The following PDZD2 variants were observed in gnomAD, a reference collection of about 807,000 sequenced individuals.
PDZD2 encodes the protein PDZ domain containing 2, also known as PDZ domain-containing protein 2.
In PDZD2, 90 loss-of-function variants were observed where a neutral mutation model predicts 220.7. The observed-to-expected ratio is 0.41, with a 90% CI of 0.34 to 0.49. PDZD2 has a LOEUF of 0.49. PDZD2 is among the 20% of genes least tolerant of loss of function. The pLI is 0.28. For synonymous variants in PDZD2, 1,375 were observed against 1,450.5 expected, an observed-to-expected ratio of 0.95 and a Z score of 1.18; for missense variants, 3,174 against 3,608.5, an observed-to-expected ratio of 0.88 and a Z score of 3.08.
chr5:31,903,436 C>T (rs1742291643), intron 2 of PDZD2, among the ~76,000 whole-genome samples: 1 of 151,516 alleles, frequency 6.6e-6, no homozygotes, highest in Admixed American at 6.6e-5. Flanking sequence ...TGCTTGAGCC[C>T]AGGAGTTTGA....
intron 1 of PDZD2, chr5:31,725,646 T>G: frequency 8.7e-7 from 1 of 1,145,208 alleles, no homozygotes. Context: ...TTGATTCCTT[T>G]TCATATCTTG....
intron 2 of PDZD2, among the ~76,000 whole-genome samples, chr5:31,906,733 G>A (rs557341332): frequency 4.6e-5 from 7 of 152,012 alleles, no homozygotes; most frequent in Non-Finnish European, 1.0e-4. Context: ...GTCCCAGCTG[G>A]TTGGGAGGAT....
chr5:32,038,538 A>G (rs1755746885), intron 7 of PDZD2, among the ~76,000 whole-genome samples: 1 of 152,176 alleles, frequency 6.6e-6, no homozygotes, highest in Non-Finnish European at 1.5e-5. Flanking sequence ...TCCTCTCAAA[A>G]TAACAAAAAA....
intron 2 of PDZD2, among the ~76,000 whole-genome samples, chr5:31,803,159 A>G (rs1428683488): frequency 6.8e-6 from 1 of 148,032 alleles, no homozygotes; most frequent in East Asian, 2.0e-4. Flanking sequence ...GTGCAGAGCC[A>G]CAGTCATAGC....
intron 2 of PDZD2, among the ~76,000 whole-genome samples, chr5:31,957,618 G>T (rs558483974): frequency 2.0e-5 from 3 of 152,144 alleles, no homozygotes; most frequent in South Asian, 4.2e-4. Flanking sequence ...AGACCAGGGG[G>T]TTGCCCATTA....
chr5:31,814,348 A>G (rs902096202), intron 2 of PDZD2, among the ~76,000 whole-genome samples: 1 of 152,240 alleles, frequency 6.6e-6, no homozygotes, highest in Non-Finnish European at 1.5e-5. Flanking sequence ...GGCCTGAGAC[A>G]TAATCTCAAA....
chr5:31,928,893 G>A (rs1745018039), intron 2 of PDZD2, among the ~76,000 whole-genome samples: 1 of 152,190 alleles, frequency 6.6e-6, no homozygotes, highest in Non-Finnish European at 1.5e-5. Context: ...GCTGGACTCT[G>A]AAAGGAGATA....
At chr5:31,735,054 G>A (rs1035406110) in intron 1 of PDZD2, among the ~76,000 whole-genome samples, 3 of 152,004 alleles carry the variant, frequency 2.0e-5, no homozygotes, top group African/African-American at 4.8e-5. Context: ...TTCATTTCTC[G>A]GTCAGGTCAG....
intron 2 of PDZD2, among the ~76,000 whole-genome samples, chr5:31,948,476 TA>T (rs1746863401): frequency 6.6e-6 from 1 of 152,160 alleles, no homozygotes; most frequent in South Asian, 2.1e-4. Context: ...CTAGAACAGA[TA>T]AAGCTTTCTT....
At chr5:31,665,272 C>G (rs1221616706) in intron 1 of PDZD2, among the ~76,000 whole-genome samples, 1 of 152,142 alleles carries the variant, frequency 6.6e-6, no homozygotes, top group Non-Finnish European at 1.5e-5. Flanking sequence ...ATTGCACCTG[C>G]TCTTTCCTGT....
At chr5:31,813,995 C>G (rs1755280351) in intron 2 of PDZD2, among the ~76,000 whole-genome samples, 1 of 151,888 alleles carries the variant, frequency 6.6e-6, no homozygotes, top group African/African-American at 2.4e-5. Flanking sequence ...TGGTGAAACC[C>G]CATCTCTATT....
At chr5:32,043,594 G>A (rs1471708301) in intron 7 of PDZD2, among the ~76,000 whole-genome samples, 2 of 152,240 alleles carry the variant, frequency 1.3e-5, no homozygotes, top group African/African-American at 4.8e-5. Context: ...CTCGCCATGA[G>A]GCGGCTGCCA....
At chr5:31,762,337 G>A (rs563824919) in intron 1 of PDZD2, among the ~76,000 whole-genome samples, 18 of 152,312 alleles carry the variant, frequency 1.2e-4, no homozygotes, top group African/African-American at 1.7e-4. Flanking sequence ...AGGCTGGAGT[G>A]AGTGCAATGG....
At chr5:31,974,263 G>A (rs1749556741) in intron 2 of PDZD2, among the ~76,000 whole-genome samples, 2 of 152,122 alleles carry the variant, frequency 1.3e-5, no homozygotes, top group South Asian at 2.1e-4. Context: ...TTACAGGCTT[G>A]AGCCACCGCA....
At chr5:32,069,026 G>C (rs1051287846) in intron 14 of PDZD2, among the ~76,000 whole-genome samples, 3 of 152,118 alleles carry the variant, frequency 2.0e-5, no homozygotes, top group African/African-American at 7.2e-5. Context: ...CCAGCACTTT[G>C]GGGGGCCGAG....
rs546706723 is a variant in PDZD2 at position 31,937,010 on chromosome 5, CAGAAGT to C, written c.477-46140_477-46135del. ...AACTGTCACAGTGACGTTTCACACT[CAGAAGT>C]AGAAAATAAATGGGGAGGACCATGG... On this transcript the variant is annotated intron_variant, in intron 2 of 24. Transcript: ENST00000438447. Among the ~76,000 whole-genome samples the C allele has an allele frequency of 1.8e-3, 279 of 152,252 alleles. 2 individuals are homozygous for C. The highest frequency in any genetic ancestry group is 6.5e-3 in the African/African-American group (271 of 41,554).
intron 2 of PDZD2, among the ~76,000 whole-genome samples, chr5:31,849,963 CACATATATATATAT>C (rs1757879254): frequency 3.4e-5 from 1 of 29,458 alleles, no homozygotes; most frequent in Non-Finnish European, 5.3e-5. Context: ...TATATATATA[CACATATATATATAT>C]ACATATATAT....
chr5:31,727,660 A>T (rs1176693877), intron 1 of PDZD2, among the ~76,000 whole-genome samples: 4 of 139,822 alleles, frequency 2.9e-5, no homozygotes, highest in Non-Finnish European at 4.6e-5. Flanking sequence ...AGATCGTGCC[A>T]TTGCACTCCA....
intron 1 of PDZD2, among the ~76,000 whole-genome samples, chr5:31,757,908 G>C (rs1162934308): frequency 2.0e-5 from 3 of 152,226 alleles, no homozygotes; most frequent in Admixed American, 2.0e-4. Context: ...GCCCAGCCCA[G>C]CTTCATGCCC....
Sources: allele counts gnomAD v4.1 joint callset (sites outside exome capture counted in the v4.1 genomes callset), GRCh38; gene constraint gnomAD v4.1.1; transcripts MANE v1.5; gene names NCBI Gene and HGNC (gene_info 2026-07-23, HGNC 2026-07-21).